Variants in FSTL4 observed in about 807,000 individuals in gnomAD.
The protein encoded by FSTL4 is follistatin-related protein 4.
FSTL4 carries 28 observed loss-of-function variants against 78.2 expected under a neutral mutation model. The ratio of observed to expected loss-of-function variants is 0.36; its 90% CI spans 0.27 to 0.49. The LOEUF is 0.49. Ranked by LOEUF, FSTL4 falls within the 20% of genes least tolerant of loss-of-function variation. The probability of loss-of-function intolerance (pLI) is 0.98; values close to 1 mark genes in which losing one functional copy is unlikely to be tolerated. For synonymous variants in FSTL4, 422 were observed against 440.5 expected, an observed-to-expected ratio of 0.96 and a Z score of 0.53; for missense variants, 922 against 1,084.9, an observed-to-expected ratio of 0.85 and a Z score of 2.11.
At chr5:133,781,287 T>C in the FSTL4 span, among the ~76,000 whole-genome samples, 2 of 151,656 alleles carry the variant, frequency 1.3e-5, no homozygotes, top group Admixed American at 1.3e-4. Flanking sequence ...CTGCAACACA[T>C]TCAGCTGCCC....
the FSTL4 span, among the ~76,000 whole-genome samples, chr5:133,834,570 A>C: frequency 6.6e-6 from 1 of 152,170 alleles, no homozygotes; most frequent in African/African-American, 2.4e-5. Flanking sequence ...AAAAAGTATC[A>C]AGATGGAAAC....
At chr5:133,647,730 A>C in the FSTL4 span, among the ~76,000 whole-genome samples, 1 of 152,178 alleles carries the variant, frequency 6.6e-6, no homozygotes, top group Non-Finnish European at 1.5e-5. Context: ...TACCCTTCTT[A>C]GGGTTTACTT....
intron 14 of FSTL4, 167 bp downstream of exon 14, chr5:133,210,024 G>C (rs1338024745): frequency 1.9e-6 from 1 of 533,756 alleles, no homozygotes; most frequent in Non-Finnish European, 3.4e-6. Flanking sequence ...AATTGCCTGT[G>C]AGGGGCATTG....
the FSTL4 span, among the ~76,000 whole-genome samples, chr5:133,674,110 GGTCACTACGTTGTGAGAGGACT>G: frequency 6.6e-6 from 1 of 152,134 alleles, no homozygotes; most frequent in Non-Finnish European, 1.5e-5. Flanking sequence ...GGGGGCTCCA[GGTCACTACGTTGTGAGAGGACT>G]GACAACCCTT....
chr5:133,275,442 C>T (rs1054081409), intron 6 of FSTL4, among the ~76,000 whole-genome samples: 29 of 152,108 alleles, frequency 1.9e-4, no homozygotes, highest in Non-Finnish European at 3.5e-4. Context: ...TGCCTGTAGT[C>T]CCAGCTACTT....
intron 2 of FSTL4, among the ~76,000 whole-genome samples, chr5:133,580,666 T>A (rs1270040511): frequency 6.6e-6 from 1 of 152,190 alleles, no homozygotes; most frequent in Non-Finnish European, 1.5e-5. Flanking sequence ...AGTAGGTCTC[T>A]ACTTCAATAC....
At chr5:133,628,212 G>A in the FSTL4 span, among the ~76,000 whole-genome samples, 9 of 152,032 alleles carry the variant, frequency 5.9e-5, no homozygotes, top group African/African-American at 2.2e-4. Context: ...AATTAGAGAA[G>A]CAAGAGTAAA....
chr5:133,555,267 C>A (rs1310909492), intron 3 of FSTL4, among the ~76,000 whole-genome samples: 1 of 152,228 alleles, frequency 6.6e-6, no homozygotes. Flanking sequence ...TTAAAAGAAC[C>A]AAAACAGGAC....
At chr5:133,349,388 C>T (rs553671399) in intron 4 of FSTL4, among the ~76,000 whole-genome samples, 2 of 151,516 alleles carry the variant, frequency 1.3e-5, no homozygotes, top group South Asian at 2.1e-4. Flanking sequence ...GAGCTTCCAG[C>T]GGTGCAGAAG....
intron 4 of FSTL4, among the ~76,000 whole-genome samples, chr5:133,394,709 T>C (rs1048318954): frequency 3.3e-5 from 5 of 152,312 alleles, no homozygotes; most frequent in South Asian, 2.1e-4. Flanking sequence ...CCAGGTCCCA[T>C]TGACCGCCCA....
the FSTL4 span, among the ~76,000 whole-genome samples, chr5:133,698,846 A>G: frequency 5.3e-5 from 8 of 152,260 alleles, no homozygotes; most frequent in African/African-American, 1.9e-4. Flanking sequence ...GAGGCCGGGC[A>G]GTGGTTCTGT....
At chr5:133,704,927 G>A in the FSTL4 span, among the ~76,000 whole-genome samples, 5 of 152,246 alleles carry the variant, frequency 3.3e-5, no homozygotes, top group Admixed American at 2.6e-4. Context: ...AAACGCATTT[G>A]CCTGTTCCCT....
chr5:133,527,235 T>C (rs71585588), intron 3 of FSTL4, among the ~76,000 whole-genome samples: 8 of 152,178 alleles, frequency 5.3e-5, no homozygotes, highest in Non-Finnish European at 8.8e-5. Flanking sequence ...TCTCTGCAAA[T>C]TGAGGGGTAT....
chr5:133,688,736 A>G, the FSTL4 span, among the ~76,000 whole-genome samples: 1 of 152,212 alleles, frequency 6.6e-6, no homozygotes, highest in Non-Finnish European at 1.5e-5. Context: ...CTCAGTAAAC[A>G]TGTGACTGAT....
chr5:133,545,886 A>G lies in FSTL4; in HGVS notation c.160+21300T>C, dbSNP rs1759563992. On this transcript the variant is annotated intron_variant, in intron 3 of 15. Transcript: ENST00000265342. ...CCAGAATGTTCACAGATATGTGGAC[A>G]GTAAAGGCCACTCTGACAAGGTCTC... Among the ~76,000 whole-genome samples the G allele has an allele frequency of 5.9e-5, 9 of 152,370 alleles. No homozygotes were observed. In the South Asian group the frequency reaches 1.9e-3, roughly 32 times the overall value.
At chr5:133,695,253 A>G in the FSTL4 span, among the ~76,000 whole-genome samples, 3 of 151,954 alleles carry the variant, frequency 2.0e-5, no homozygotes, top group South Asian at 4.2e-4. Context: ...CACATTCTCA[A>G]CTTTCCCTCA....
the FSTL4 span, among the ~76,000 whole-genome samples, chr5:133,783,309 C>A: frequency 6.6e-6 from 1 of 152,192 alleles, no homozygotes; most frequent in African/African-American, 2.4e-5. Context: ...CTTCAGAAGC[C>A]AGAAGGGCTG....
At chr5:133,531,062 T>C (rs1007603500) in intron 3 of FSTL4, among the ~76,000 whole-genome samples, 1 of 152,208 alleles carries the variant, frequency 6.6e-6, no homozygotes, top group African/African-American at 2.4e-5. Flanking sequence ...GCCGATATTC[T>C]TCTTTGCCGG....
rs1347861788 is a variant in FSTL4 at position 133,588,170 on chromosome 5, A to C, written c.126+15688T>G. On this transcript the variant is annotated intron_variant, in intron 2 of 15. Transcript: ENST00000265342. ...TAAAGATTTAAACGTTAGACCTAAA[A>C]CCATAAAAACCCTAGAAGAAAACCT... Among the ~76,000 whole-genome samples, 301 of 121,500 alleles carry C rather than the reference A, an allele frequency of 2.5e-3. 1 individual carries two copies. The highest frequency in any genetic ancestry group is 7.8e-3 in the African/African-American group (288 of 37,036). 79.7% of individuals were successfully genotyped at this position (121,500 alleles called of 152,430 possible). A position where few individuals can be genotyped will look rare whatever the true frequency, so the allele number is the denominator to read the frequency against.
Sources: allele counts gnomAD v4.1 joint callset (sites outside exome capture counted in the v4.1 genomes callset), GRCh38; gene constraint gnomAD v4.1.1; transcripts MANE v1.5; gene names NCBI Gene and HGNC (gene_info 2026-07-23, HGNC 2026-07-21).